Variants in MATCAP2 observed in about 807,000 individuals in gnomAD.
MATCAP2 encodes the protein putative tyrosine carboxypeptidase MATCAP2.
At chr7:36,382,555 T>C in the MATCAP2 span, among the ~76,000 whole-genome samples, 147,660 of 152,094 alleles carry the variant, frequency 0.97, 71,840 homozygotes, top group East Asian at 1. Context: ...TGCAGTGGCG[T>C]GATCTCGGCT....
chr7:36,378,211 C>A, the MATCAP2 span, among the ~76,000 whole-genome samples: 2 of 152,198 alleles, frequency 1.3e-5, no homozygotes, highest in African/African-American at 4.8e-5. Context: ...AGCTTTTCTG[C>A]TCTGGTTTCT....
chr7:36,336,974 T>C, the MATCAP2 span, among the ~76,000 whole-genome samples: 2 of 151,190 alleles, frequency 1.3e-5, no homozygotes, highest in African/African-American at 4.9e-5. Context: ...CACATGCTTG[T>C]AGTCCCAGCT....
At chr7:36,382,546 G>A in the MATCAP2 span, among the ~76,000 whole-genome samples, 2 of 151,856 alleles carry the variant, frequency 1.3e-5, no homozygotes, top group Non-Finnish European at 2.9e-5. Context: ...AGGCAGGAGT[G>A]CAGTGGCGTG....
the MATCAP2 span, among the ~76,000 whole-genome samples, chr7:36,377,067 G>A: frequency 1.1e-4 from 16 of 152,252 alleles, no homozygotes; most frequent in Admixed American, 8.5e-4. Context: ...TTGCCAGTCT[G>A]TGTCTTTTAA....
chr7:36,348,001 A>T, the MATCAP2 span, among the ~76,000 whole-genome samples: 5 of 152,000 alleles, frequency 3.3e-5, no homozygotes, highest in Non-Finnish European at 4.4e-5. Context: ...TAAACAAAAG[A>T]CTCCTCTAAG....
chr7:36,380,370 A>T, the MATCAP2 span, among the ~76,000 whole-genome samples: 1 of 152,284 alleles, frequency 6.6e-6, no homozygotes, highest in South Asian at 2.1e-4. Flanking sequence ...TCTGATTCAA[A>T]TTATTCAAAT....
At chr7:36,338,737 T>G in the MATCAP2 span, among the ~76,000 whole-genome samples, 1 of 152,240 alleles carries the variant, frequency 6.6e-6, no homozygotes, top group African/African-American at 2.4e-5. Context: ...TTTTAAAGGT[T>G]TGAATAAGAA....
At chr7:36,359,989 C>T in the MATCAP2 span, among the ~76,000 whole-genome samples, 10 of 152,148 alleles carry the variant, frequency 6.6e-5, no homozygotes, top group Non-Finnish European at 1.2e-4. Flanking sequence ...AGGGTAAGGA[C>T]TAGGTGTAGC....
chr7:36,350,532 C>CT, the MATCAP2 span, among the ~76,000 whole-genome samples: 101 of 117,640 alleles, frequency 8.6e-4, no homozygotes, highest in African/African-American at 2.8e-3. Flanking sequence ...GACTGTGTTC[C>CT]TTTTTTTTTT....
the MATCAP2 span, among the ~76,000 whole-genome samples, chr7:36,369,167 A>G: frequency 6.6e-6 from 1 of 152,182 alleles, no homozygotes; most frequent in South Asian, 2.1e-4. Context: ...GGTCCTTAAT[A>G]AATATTTGTG....
chr7:36,389,767 C>T, the MATCAP2 span: 1 of 488,278 alleles, frequency 2.0e-6, no homozygotes, highest in Non-Finnish European at 3.4e-6. Context: ...GCCACGTGAC[C>T]GAGCGCAGGG....
chr7:36,384,792 C>A, the MATCAP2 span, among the ~76,000 whole-genome samples: 2 of 151,522 alleles, frequency 1.3e-5, no homozygotes, highest in African/African-American at 4.9e-5. Context: ...AGTGGAAAGT[C>A]CTTGAGGCAG....
chr7:36,360,772 T>C, the MATCAP2 span, among the ~76,000 whole-genome samples: 11 of 152,184 alleles, frequency 7.2e-5, no homozygotes, highest in African/African-American at 2.7e-4. Flanking sequence ...CCGATAACAT[T>C]TGACACAATT....
At chr7:36,326,298 T>C in the MATCAP2 span, 1 of 152,262 alleles carries the variant, frequency 6.6e-6, no homozygotes, top group Non-Finnish European at 1.5e-5. Flanking sequence ...TAGCTAGCTT[T>C]TTGGAGCAAC....
the MATCAP2 span, among the ~76,000 whole-genome samples, chr7:36,352,745 T>C: frequency 6.6e-6 from 1 of 151,616 alleles, no homozygotes; most frequent in African/African-American, 2.4e-5. Flanking sequence ...GGAAGGAGAA[T>C]TGGTTGAACC....
At chr7:36,384,496 C>A in the MATCAP2 span, among the ~76,000 whole-genome samples, 1 of 152,160 alleles carries the variant, frequency 6.6e-6, no homozygotes, top group African/African-American at 2.4e-5. Flanking sequence ...CACTCATGTG[C>A]CAGAAGGTGC....
chr7:36,324,902 G>A, the MATCAP2 span: 1 of 152,170 alleles, frequency 6.6e-6, no homozygotes, highest in Non-Finnish European at 1.5e-5. Flanking sequence ...CGACCAACAG[G>A]AAATTAAGGC....
the MATCAP2 span, among the ~76,000 whole-genome samples, chr7:36,359,246 C>G: frequency 7.2e-5 from 11 of 152,316 alleles, no homozygotes; most frequent in South Asian, 1.4e-3. Flanking sequence ...GTTGTCACAA[C>G]TGGGGAGAGG....
chr7:36,359,131 A>T, the MATCAP2 span, among the ~76,000 whole-genome samples: 1 of 152,240 alleles, frequency 6.6e-6, no homozygotes, highest in Non-Finnish European at 1.5e-5. Flanking sequence ...ATATGAGATA[A>T]CTGCAGACCT....
Sources: allele counts gnomAD v4.1 joint callset (sites outside exome capture counted in the v4.1 genomes callset), GRCh38; gene constraint gnomAD v4.1.1; transcripts MANE v1.5; gene names NCBI Gene and HGNC (gene_info 2026-07-23, HGNC 2026-07-21).